FRY: variants seen among roughly 807,000 people sequenced by gnomAD.
The protein encoded by FRY is protein furry homolog.
A neutral mutation model predicts 348.4 loss-of-function variants in FRY; 128 were observed. That is an observed-to-expected ratio of 0.37 (90% CI 0.32 to 0.43). The LOEUF (loss-of-function observed/expected upper bound fraction) is 0.43. Ranked by LOEUF, FRY falls within the 20% of genes least tolerant of loss-of-function variation. The pLI, the probability that FRY is intolerant of heterozygous loss-of-function variation, is 1.00. For missense variants in FRY, 2,736 were observed against 3,695.2 expected, an observed-to-expected ratio of 0.74 and a Z score of 6.73; for synonymous variants, 1,370 against 1,374.7, an observed-to-expected ratio of 1.00 and a Z score of 0.08.
At chr13:32,246,996 G>A (rs1886844957) in intron 47 of FRY, among the ~76,000 whole-genome samples, 1 of 152,124 alleles carries the variant, frequency 6.6e-6, no homozygotes, top group African/African-American at 2.4e-5. Flanking sequence ...GAACTGAACA[G>A]TCAGTGTCAT....
chr13:32,130,185 C>A (rs909223834), intron 7 of FRY, among the ~76,000 whole-genome samples: 2 of 151,604 alleles, frequency 1.3e-5, no homozygotes, highest in Non-Finnish European at 2.9e-5. Flanking sequence ...CTCAGCCTCA[C>A]GCACACCACC....
At position 32,237,960 on chromosome 13, in the gene FRY, C is replaced by T. The variant is rs924102858; in HGVS notation, c.6392C>T (p.Ser2131Phe). 3 of 1,614,046 alleles carry T rather than the reference C, an allele frequency of 1.9e-6. No homozygotes were observed. The highest frequency in any genetic ancestry group is 1.7e-5 in the Admixed American group (1 of 60,026). ...CTGCTGACACCAGTGTCCAAAATAT[C>T]CATGGTGGATGCATCCCACGCTATT... ...FSLLTPVSKISMVDASHAIGF... is the reference protein window; with the variant it reads ...FSLLTPVSKIFMVDASHAIGF... The change falls in exon 44 of 61, where the codon TCC becomes TTC. Residue 2131 changes from serine (S) to phenylalanine (F), a missense_variant. By Grantham distance (155) the Ser-to-Phe change is radical. Coordinates refer to ENST00000542859, the MANE Select transcript of FRY (RefSeq NM_023037.3). This position sits in a 1 kb window ranked among gnomAD's most constrained non-coding sequence, Gnocchi z 6.3.
chr13:32,051,933 AT>A (rs1046581103), intron 1 of FRY, among the ~76,000 whole-genome samples: 2 of 152,176 alleles, frequency 1.3e-5, no homozygotes, highest in African/African-American at 4.8e-5. Context: ...ATGTTTAAAA[AT>A]TTTTTCCCTA....
intron 59 of FRY, among the ~76,000 whole-genome samples, chr13:32,291,566 T>C (rs977422410): frequency 6.6e-6 from 1 of 151,792 alleles, no homozygotes; most frequent in African/African-American, 2.4e-5. Context: ...CCACCACACC[T>C]GGCTAATTTT....
In FRY at chr13:32,237,948, T is replaced by C; in HGVS notation, c.6380T>C (p.Val2127Ala). 1.2e-6 allele frequency: 2 copies of C among 1,614,092 alleles called. No individual in the cohort carries two copies. Among genetic ancestry groups the C allele is most frequent in the South Asian group, 1.1e-5 (1 of 91,084 alleles). Residue 2127 changes from valine (V) to alanine (A), a missense_variant, in exon 44 of 61, where the codon GTG becomes GCG. This residue lies in a region of FRY where 789 missense variants were observed against 996.2 expected (regional missense o/e 0.79). Coordinates refer to ENST00000542859, the MANE Select transcript of FRY (RefSeq NM_023037.3). The surrounding 1 kb of genome is among the most constrained non-coding windows in gnomAD (Gnocchi z 6.3). ...TLQLFSLLTP[V>A]SKISMVDASH... ...CAGCTCTTCAGTCTGCTGACACCAG[T>C]GTCCAAAATATCCATGGTGGATGCA...
chr13:32,242,660 G>A (rs868106672), intron 46 of FRY, among the ~76,000 whole-genome samples: 4 of 152,038 alleles, frequency 2.6e-5, no homozygotes, highest in East Asian at 1.9e-4. Flanking sequence ...TCACCCTCCC[G>A]AGTAGCTGGG....
chr13:32,053,555 G>A (rs556701342), intron 1 of FRY, among the ~76,000 whole-genome samples: 5 of 152,294 alleles, frequency 3.3e-5, no homozygotes, highest in South Asian at 4.1e-4. Flanking sequence ...AAGGTCCCAC[G>A]GCTTGTTAAT....
intron 2 of FRY, among the ~76,000 whole-genome samples, chr13:32,094,980 G>C (rs1178109370): frequency 6.6e-6 from 1 of 152,176 alleles, no homozygotes; most frequent in Non-Finnish European, 1.5e-5. Context: ...GTGTATGAAG[G>C]TTCCCTTTTC....
rs1454883884 is a variant in FRY at position 32,147,883 on chromosome 13, G to A, written c.1328G>A (p.Arg443His). Residue 443 changes from arginine to histidine, a missense_variant, in exon 13 of 61, where the codon CGC becomes CAC. Arg to His is a conservative substitution (Grantham distance 29). Around this residue, in one of 9 missense-constraint regions of FRY, gnomAD observed 191 missense variants for 370.2 expected, o/e 0.52. Transcript: ENST00000542859. ...IITTLFPKGS[R>H]GVVPRDMPLN... ...ACAACACTTTTCCCCAAAGGGTCCC[G>A]CGGTGTGGTACCAAGGGACATGCCT... 1.9e-6 allele frequency: 3 copies of A among 1,611,464 alleles called. No homozygotes were observed. The highest frequency in any genetic ancestry group is 1.7e-5 in the Admixed American group (1 of 60,002).
chr13:32,109,537 G>T (rs1423813914), intron 3 of FRY, among the ~76,000 whole-genome samples: 1 of 152,178 alleles, frequency 6.6e-6, no homozygotes, highest in Non-Finnish European at 1.5e-5. Context: ...TTGGGCCAGG[G>T]TATGCCAGGC....
chr13:32,055,524 A>G (rs1354731297), intron 1 of FRY, among the ~76,000 whole-genome samples: 1 of 152,208 alleles, frequency 6.6e-6, no homozygotes, highest in East Asian at 1.9e-4. Context: ...CTTGCCAGGG[A>G]TTCAAATTCT....
At chr13:32,150,819 T>A (rs1880743775) in intron 14 of FRY, among the ~76,000 whole-genome samples, 1 of 152,192 alleles carries the variant, frequency 6.6e-6, no homozygotes. Flanking sequence ...GGGACCCAGG[T>A]CCCTGTTAGT....
At position 32,267,330 on chromosome 13, in the gene FRY, A is replaced by G; in HGVS notation, c.8107A>G (p.Thr2703Ala). Residue 2703 changes from threonine (T) to alanine (A), a missense_variant, in exon 55 of 61, where the codon ACA becomes GCA. Around this residue, in one of 9 missense-constraint regions of FRY, gnomAD observed 789 missense variants for 996.2 expected, o/e 0.79. Transcript: ENST00000542859. ...CTCAGATGGCTCCTGTGCTGTGTAT[A>G]CATTTCATGTGTTCTCCTCCTTGTT... is the stretch of plus-strand genomic sequence containing the variant. Reference protein sequence around the residue: ...CDSDGSCAVYTFHVFSSLFKN... With the variant: ...CDSDGSCAVYAFHVFSSLFKN... 1 of 1,614,164 alleles carries G rather than the reference A, an allele frequency of 6.2e-7. No individual in the cohort carries two copies. Among genetic ancestry groups the G allele is most frequent in the Non-Finnish European group, 8.5e-7 (1 of 1,180,018 alleles).
At chr13:32,189,417 G>T (rs777852467) in intron 28 of FRY, among the ~76,000 whole-genome samples, 2 of 151,760 alleles carry the variant, frequency 1.3e-5, no homozygotes, top group Non-Finnish European at 2.9e-5. Context: ...AGAGAGAAAA[G>T]GTGGATAATC....
chr13:32,291,798 C>A (rs756750802), intron 59 of FRY, among the ~76,000 whole-genome samples: 13 of 152,028 alleles, frequency 8.6e-5, no homozygotes, highest in African/African-American at 3.1e-4. Flanking sequence ...TTCCAATGGA[C>A]GACTTTGAGA....
rs754593854 is a variant in FRY, at chr13:32,236,125, C to G, written c.5763C>G (p.Asn1921Lys). Residue 1921 changes from asparagine to lysine, a missense_variant, in exon 43 of 61, where the codon AAC becomes AAG. Coordinates refer to ENST00000542859, the MANE Select transcript of FRY (RefSeq NM_023037.3). ...ALLTLEAAVD[N>K]LSDCLKNSDL... ...TAACCTTGGAGGCGGCTGTGGATAA[C>G]TTGTCTGACTGCTTGAAGAACAGTG... 9 of 1,613,908 alleles carry G rather than the reference C, an allele frequency of 5.6e-6. No homozygotes were observed. The highest frequency in any genetic ancestry group is 7.6e-6 in the Non-Finnish European group (9 of 1,179,956).
Position 32,242,830 on chromosome 13 carries a change from C to T in FRY, c.6688-1212C>T, listed in dbSNP as rs1401975377. Among the ~76,000 whole-genome samples, 7 of 152,300 alleles carry T rather than the reference C, an allele frequency of 4.6e-5. No homozygotes were observed. The East Asian group carries it at 1.4e-3, about 29-fold the overall frequency. On this transcript the variant is annotated intron_variant, in intron 46 of 60. Coordinates refer to ENST00000542859, the MANE Select transcript of FRY (RefSeq NM_023037.3). ...GATTACAGGCATGAGCCACCGCGCC[C>T]TGCTCTTTCCTCATGTTTTAACCAC... is the stretch of plus-strand genomic sequence containing the variant.
Position 32,236,058 on chromosome 13 carries a change from T to C in FRY, c.5716-20T>C. ...AATGGTTACAAGCAATACAAAATGC[T>C]ATCTTTGCATGTTTGGCAGGGTTAT... On this transcript the variant is annotated intron_variant, in intron 42 of 60. Coordinates refer to ENST00000542859, the MANE Select transcript of FRY (RefSeq NM_023037.3). 6.5e-7 allele frequency: 1 copy of C among 1,540,728 alleles called. No individual in the cohort carries two copies. Among genetic ancestry groups the C allele is most frequent in the Non-Finnish European group, 9.0e-7 (1 of 1,113,138 alleles).
At chr13:32,165,820 A>G (rs1015958508) in intron 17 of FRY, among the ~76,000 whole-genome samples, 2 of 152,240 alleles carry the variant, frequency 1.3e-5, no homozygotes, top group Admixed American at 6.5e-5. Context: ...GTTTTCCATT[A>G]AAAGTCATAT....
Sources: allele counts gnomAD v4.1 joint callset (sites outside exome capture counted in the v4.1 genomes callset), GRCh38; gene constraint gnomAD v4.1.1; regional missense constraint gnomAD v4.1.1; non-coding constraint Gnocchi (gnomAD v3.1); transcripts MANE v1.5; gene names NCBI Gene and HGNC (gene_info 2026-07-23, HGNC 2026-07-21).